The following MEGF10 variants were observed in gnomAD, a reference collection of about 807,000 sequenced individuals.
MEGF10 encodes the protein multiple EGF like domains 10.
Under a neutral mutation model 147.5 loss-of-function variants are expected in MEGF10, and 86 were observed. That is an observed-to-expected ratio of 0.58 (90% CI 0.49 to 0.70). The LOEUF (loss-of-function observed/expected upper bound fraction) is 0.70, where lower values mean the gene tolerates loss of function less well. MEGF10 is among the 30% of genes least tolerant of loss of function. The pLI is 0.00. For synonymous variants in MEGF10, 478 were observed against 525.5 expected (o/e 0.91, Z 1.24); for missense variants, 1,329 against 1,487.3 (o/e 0.89, Z 1.75).
At chr5:127,281,185 C>T in the MEGF10 span, among the ~76,000 whole-genome samples, 1 of 152,168 alleles carries the variant, frequency 6.6e-6, no homozygotes, top group Non-Finnish European at 1.5e-5. Context: ...GTCCTTGCAC[C>T]ATCTTCCTAA....
chr5:127,448,038 A>G (rs1766015236), intron 21 of MEGF10, among the ~76,000 whole-genome samples: 1 of 152,212 alleles, frequency 6.6e-6, no homozygotes, highest in South Asian at 2.1e-4. Context: ...ACTCATAATG[A>G]CATTAACAAA....
chr5:127,238,915 G>T, the MEGF10 span, among the ~76,000 whole-genome samples: 3 of 151,422 alleles, frequency 2.0e-5, no homozygotes, highest in Non-Finnish European at 1.5e-5. Context: ...AACTCAATAG[G>T]TTAGAAAAGT....
the MEGF10 span, among the ~76,000 whole-genome samples, chr5:127,238,730 C>T: frequency 6.6e-6 from 1 of 152,104 alleles, no homozygotes; most frequent in African/African-American, 2.4e-5. Flanking sequence ...ATCCCCCATC[C>T]GTGTCTATTT....
At chr5:127,302,471 G>A (rs1401213794) in intron 1 of MEGF10, among the ~76,000 whole-genome samples, 1 of 152,160 alleles carries the variant, frequency 6.6e-6, no homozygotes, top group Admixed American at 6.5e-5. Context: ...GGGTCTGGGG[G>A]AAGGGAAAAA....
chr5:127,329,699 G>C (rs1761175336), intron 1 of MEGF10, among the ~76,000 whole-genome samples: 1 of 151,548 alleles, frequency 6.6e-6, no homozygotes, highest in Admixed American at 6.6e-5. Context: ...AAATAATCTG[G>C]CTCATTATTA....
the MEGF10 span, among the ~76,000 whole-genome samples, chr5:127,233,040 C>G: frequency 6.6e-6 from 1 of 152,136 alleles, no homozygotes; most frequent in Non-Finnish European, 1.5e-5. Context: ...CTTTGTGGTT[C>G]CTTAAAACAC....
chr5:127,424,448 A>G, intron 13 of MEGF10: 2 of 1,165,566 alleles, frequency 1.7e-6, no homozygotes, highest in South Asian at 2.7e-5. Flanking sequence ...GAATCTATAG[A>G]TCAATTTGGG....
the MEGF10 span, among the ~76,000 whole-genome samples, chr5:127,273,351 G>A: frequency 6.8e-4 from 103 of 151,228 alleles, no homozygotes; most frequent in African/African-American, 2.4e-3. Context: ...GCTGCATGTC[G>A]AAAAAAAAAC....
chr5:127,335,760 A>C (rs577239300), intron 2 of MEGF10, among the ~76,000 whole-genome samples: 1 of 152,154 alleles, frequency 6.6e-6, no homozygotes, highest in East Asian at 2.0e-4. Flanking sequence ...TCAACCAAAA[A>C]CTAAAACCTC....
intron 3 of MEGF10, among the ~76,000 whole-genome samples, chr5:127,339,669 A>G (rs1761604830): frequency 2.6e-5 from 4 of 152,170 alleles, no homozygotes. Flanking sequence ...AAACTAAAAT[A>G]TAATTAAATA....
In MEGF10 at chr5:127,455,545, G is replaced by A. The variant is rs374156507; in HGVS notation, c.3170G>A (p.Arg1057Lys). ...GTGGAGATGAAATCGCCGGCACGAA[G>A]AGATTCCCCATATGCAGAGATCAAT... ...GYVEMKSPARRDSPYAEINNS... is the reference protein window; with the variant it reads ...GYVEMKSPARKDSPYAEINNS... The change falls in exon 24 of 25, where the codon AGA becomes AAA. Residue 1057 changes from arginine (R) to lysine (K), a missense_variant. Coordinates refer to ENST00000503335, the MANE Select transcript of MEGF10 (RefSeq NM_001256545.2). 47 of 1,613,972 alleles carry A rather than the reference G, an allele frequency of 2.9e-5. No homozygotes were observed. The African/African-American group carries it at 5.2e-4, about 18-fold the overall frequency.
chr5:127,410,363 T>A (rs1764506522), intron 8 of MEGF10, 26 bp from the exon 9 acceptor site: 1 of 1,609,070 alleles, frequency 6.2e-7, no homozygotes, highest in Non-Finnish European at 8.5e-7. Context: ...TAATCTTTCT[T>A]CTTGCTCCTG....
intron 16 of MEGF10, 113 bp downstream of exon 16, chr5:127,435,602 T>A: frequency 9.6e-7 from 1 of 1,045,186 alleles, no homozygotes; most frequent in Non-Finnish European, 1.3e-6. Context: ...TATGACTAAT[T>A]AAAAGACACA....
At chr5:127,345,776 AGAT>A (rs749786699) in intron 4 of MEGF10, among the ~76,000 whole-genome samples, 1 of 152,090 alleles carries the variant, frequency 6.6e-6, no homozygotes, top group Non-Finnish European at 1.5e-5. Flanking sequence ...GCGAATTCTG[AGAT>A]TTTGGTGCAC....
At chr5:127,304,742 G>T (rs774102879) in intron 1 of MEGF10, among the ~76,000 whole-genome samples, 4 of 152,136 alleles carry the variant, frequency 2.6e-5, no homozygotes, top group African/African-American at 4.8e-5. Context: ...TGATCCACCC[G>T]CCTTGGCCTC....
In MEGF10 at chr5:127,455,550, T is replaced by A. The variant is rs778449055; in HGVS notation, c.3175T>A (p.Ser1059Thr). The change falls in exon 24 of 25, where the codon TCC (serine) becomes ACC (threonine). Residue 1059 changes from serine (S) to threonine (T), a missense_variant. Physicochemically the swap from Ser to Thr is moderately conservative, Grantham distance 58 (BLOSUM62 1). Transcript: ENST00000503335. ...GATGAAATCGCCGGCACGAAGAGAT[T>A]CCCCATATGCAGAGATCAATAACTC... ...VEMKSPARRD[S>T]PYAEINNSTS... The A allele has an allele frequency of 5.6e-6, 9 of 1,613,970 alleles. No individual in the cohort carries two copies. The East Asian group carries it at 1.6e-4, about 28-fold the overall frequency.
chr5:127,261,125 T>C, the MEGF10 span, among the ~76,000 whole-genome samples: 1 of 152,220 alleles, frequency 6.6e-6, no homozygotes. Flanking sequence ...TCCAATCATT[T>C]AAAATATATA....
At chr5:127,409,078 A>G (rs1463756874) in intron 8 of MEGF10, among the ~76,000 whole-genome samples, 1 of 152,082 alleles carries the variant, frequency 6.6e-6, no homozygotes, top group East Asian at 1.9e-4. Context: ...CCCTGTCTCA[A>G]AAAAAAGTAT....
At chr5:127,402,447 C>A in intron 7 of MEGF10, 99 bp from the exon 8 acceptor site, 1 of 1,343,010 alleles carries the variant, frequency 7.4e-7, no homozygotes, top group Non-Finnish European at 1.0e-6. Flanking sequence ...GCCCTGTTCC[C>A]CATCCCTCCT....
Sources: gnomAD v4.1 joint callset for allele counts (sites outside exome capture counted in the v4.1 genomes callset) on GRCh38, gnomAD v4.1.1 for gene constraint, MANE v1.5 for transcripts, NCBI Gene and HGNC (gene_info 2026-07-23, HGNC 2026-07-21) for gene names.